STK3: variants seen among roughly 807,000 people sequenced by gnomAD.
STK3 encodes serine/threonine-protein kinase 3.
STK3 carries 41 observed loss-of-function variants against 58.0 expected under a neutral mutation model. That is an observed-to-expected ratio of 0.71 (90% CI 0.55 to 0.92). The LOEUF (loss-of-function observed/expected upper bound fraction) is 0.92, where lower values mean the gene tolerates loss of function less well. Ranked by LOEUF, STK3 falls within the 40% of genes least tolerant of loss-of-function variation. The pLI is 0.00. For missense variants in STK3, 479 were observed against 602.7 expected, an observed-to-expected ratio of 0.79 and a Z score of 2.15; for synonymous variants, 170 against 191.0, an observed-to-expected ratio of 0.89 and a Z score of 0.91.
chr8:98,499,492 T>C (rs1224194043), intron 10 of STK3, among the ~76,000 whole-genome samples: 3 of 152,094 alleles, frequency 2.0e-5, no homozygotes, highest in Non-Finnish European at 4.4e-5. Context: ...GGGAGGTGCA[T>C]GATAGAAAAT....
rs1235374312 is a variant in STK3 at position 98,569,931 on chromosome 8, G to GTGTGTA, written c.948+9732_948+9733insTACACA. On this transcript the variant is annotated intron_variant, in intron 8 of 10. Transcript: ENST00000419617. Reference sequence around the variant, plus strand: ...AAAAAATATGTGTGTGTGTGTGTGTGTGTATGTATATTTATACACATTTTC... The same window carrying GTGTGTA: ...AAAAAATATGTGTGTGTGTGTGTGTGTGTGTATGTATGTATATTTATACACATTTTC... 2.9e-4 allele frequency among the ~76,000 whole-genome samples: 43 copies of GTGTGTA among 149,384 alleles called. 1 individual carries two copies. The South Asian group carries it at 8.8e-3, about 31-fold the overall frequency.
At chr8:98,486,508 C>T (rs1410035477) in intron 10 of STK3, among the ~76,000 whole-genome samples, 1 of 152,176 alleles carries the variant, frequency 6.6e-6, no homozygotes, top group East Asian at 1.9e-4. Flanking sequence ...CCAGGCTACT[C>T]ACAACTTTTA....
Position 98,428,411 on chromosome 8 carries a change from C to T in STK3, n.483+5716G>A. Reference sequence around the variant, plus strand: ...ACGAGCAGAGTGACCAGGAGAGCACCACGTCTTCCTTCGATGAGATCCTTG... The same window carrying T: ...ACGAGCAGAGTGACCAGGAGAGCACTACGTCTTCCTTCGATGAGATCCTTG... On this transcript the variant is annotated intron_variant and non_coding_transcript_variant, in intron 3 of 3. Coordinates refer to the STK3 transcript ENST00000517832. The surrounding 1 kb of genome is among the most constrained non-coding windows in gnomAD (Gnocchi z 6.7). The T allele has an allele frequency of 6.2e-7, 1 of 1,614,122 alleles. No individual in the cohort carries two copies. Among genetic ancestry groups the T allele is most frequent in the Non-Finnish European group, 8.5e-7 (1 of 1,180,026 alleles).
intron 10 of STK3, among the ~76,000 whole-genome samples, chr8:98,514,987 T>A (rs755462893): frequency 2.0e-5 from 3 of 152,106 alleles, no homozygotes; most frequent in African/African-American, 4.8e-5. Flanking sequence ...GAAACCTTCT[T>A]CTTCACCCTA....
chr8:98,778,645 G>T (rs2131513426), intron 1 of STK3, among the ~76,000 whole-genome samples: 1 of 151,814 alleles, frequency 6.6e-6, no homozygotes, highest in East Asian at 1.9e-4. Context: ...GTCCAACAAT[G>T]ATAGACTGGA....
intron 8 of STK3, among the ~76,000 whole-genome samples, chr8:98,577,394 G>A (rs1474552633): frequency 1.3e-5 from 2 of 152,154 alleles, no homozygotes; most frequent in African/African-American, 4.8e-5. Flanking sequence ...GGCTGAGGCA[G>A]GAGAATTGCT....
chr8:98,809,691 T>TA (rs1486041715), intron 1 of STK3, among the ~76,000 whole-genome samples: 1 of 152,224 alleles, frequency 6.6e-6, no homozygotes, highest in Non-Finnish European at 1.5e-5. Flanking sequence ...GGCTGAATAA[T>TA]ATTCCATTGT....
intron 4 of STK3, among the ~76,000 whole-genome samples, chr8:98,709,534 C>T (rs1453175862): frequency 6.6e-6 from 1 of 152,060 alleles, no homozygotes; most frequent in Non-Finnish European, 1.5e-5. Flanking sequence ...AACATTGATA[C>T]AAAAATCCTC....
chr8:98,564,044 T>C (rs1812273112), intron 8 of STK3, among the ~76,000 whole-genome samples: 1 of 152,184 alleles, frequency 6.6e-6, no homozygotes, highest in Admixed American at 6.6e-5. Flanking sequence ...CATGACATGC[T>C]ACCTCAGTCA....
chr8:98,788,564 A>C (rs1832618114), intron 1 of STK3, among the ~76,000 whole-genome samples: 1 of 152,214 alleles, frequency 6.6e-6, no homozygotes, highest in East Asian at 1.9e-4. Context: ...ACATAAACTT[A>C]AGCTAAAGGG....
chr8:98,364,684 G>A, the STK3 span, among the ~76,000 whole-genome samples: 10 of 152,154 alleles, frequency 6.6e-5, no homozygotes, highest in Non-Finnish European at 1.3e-4. Flanking sequence ...TGCCAGATTC[G>A]TTCTCTGCCC....
Position 98,490,670 on chromosome 8 carries a change from G to A in STK3, c.1318-34670C>T, listed in dbSNP as rs74872541. Among the ~76,000 whole-genome samples the A allele has an allele frequency of 8.5e-3, 1,292 of 152,224 alleles. 18 individuals carry two copies. The highest frequency in any genetic ancestry group is 0.03 in the African/African-American group (1,245 of 41,526). On this transcript the variant is annotated intron_variant, in intron 10 of 10. Coordinates refer to ENST00000419617, the MANE Select transcript of STK3 (RefSeq NM_006281.4). ...GCACAGAGAAAATAAATCATTAAAC[G>A]GATGGTTCTCAAAACTGGTGAGTCA...
At chr8:98,511,222 A>AT (rs1824488945) in intron 10 of STK3, among the ~76,000 whole-genome samples, 1 of 151,902 alleles carries the variant, frequency 6.6e-6, no homozygotes, top group Non-Finnish European at 1.5e-5. Flanking sequence ...GCTTATTCAT[A>AT]TTTTTTGAAT....
rs938398430 is a variant in STK3, at chr8:98,394,463, G to A, written n.428-6216C>T. Among the ~76,000 whole-genome samples, 7 of 151,986 alleles carry A rather than the reference G, an allele frequency of 4.6e-5. No individual in the cohort carries two copies. The East Asian group carries it at 7.7e-4, about 17-fold the overall frequency. ...TTGGAGGCCAAGGCAGGAGGATCCC[G>A]TAAGTTCAGGAATTTGAGACCAGCT... On this transcript the variant is annotated intron_variant and non_coding_transcript_variant, in intron 3 of 5. Coordinates refer to the STK3 transcript ENST00000649151.
chr8:98,648,199 G>A (rs1012491982), intron 6 of STK3, among the ~76,000 whole-genome samples: 1 of 151,952 alleles, frequency 6.6e-6, no homozygotes, highest in Non-Finnish European at 1.5e-5. Context: ...TGTTTCTTTG[G>A]GAATGAAGTT....
intron 1 of STK3, among the ~76,000 whole-genome samples, chr8:98,776,003 CA>C (rs1831653587): frequency 6.6e-6 from 1 of 152,168 alleles, no homozygotes; most frequent in Non-Finnish European, 1.5e-5. Flanking sequence ...GTGAATAAAG[CA>C]ACTGCTGATC....
intron 9 of STK3, among the ~76,000 whole-genome samples, chr8:98,542,719 A>T (rs908073404): frequency 1.3e-5 from 2 of 152,250 alleles, no homozygotes; most frequent in African/African-American, 2.4e-5. Context: ...TAGGGTGGAC[A>T]GATGAATATT....
At chr8:98,836,112 A>G (rs902492343) in intron 3 of STK3, among the ~76,000 whole-genome samples, 2 of 152,028 alleles carry the variant, frequency 1.3e-5, no homozygotes, top group East Asian at 3.9e-4. Context: ...GAGGCAGGAG[A>G]ATCACTTGAA....
At chr8:98,723,088 T>C (rs1207561626) in intron 4 of STK3, 1 of 251,716 alleles carries the variant, frequency 4.0e-6, no homozygotes, top group African/African-American at 2.3e-5. Context: ...ACAGATTTCA[T>C]TTCATTTAGG....
Sources: allele counts gnomAD v4.1 joint callset (sites outside exome capture counted in the v4.1 genomes callset), GRCh38; gene constraint gnomAD v4.1.1; non-coding constraint Gnocchi (gnomAD v3.1); transcripts MANE v1.5; gene names NCBI Gene and HGNC (gene_info 2026-07-23, HGNC 2026-07-21).